The following GRM1 variants were observed in gnomAD, a reference collection of about 807,000 sequenced individuals.
GRM1 encodes the protein glutamate metabotropic receptor 1.
A neutral mutation model predicts 90.9 loss-of-function variants in GRM1; 33 were observed. The ratio of observed to expected loss-of-function variants is 0.36; its 90% confidence interval spans 0.28 to 0.49. The LOEUF (loss-of-function observed/expected upper bound fraction) is 0.49, where lower values mean the gene tolerates loss of function less well. Among genes scored for constraint, GRM1 ranks in the 20% least tolerant of loss-of-function variants. The probability of loss-of-function intolerance (pLI) is 0.99; values close to 1 mark genes in which losing one functional copy is unlikely to be tolerated. For missense variants in GRM1, 1,190 were observed against 1,534.3 expected (o/e 0.78, Z 3.75); for synonymous variants, 700 against 613.2 (o/e 1.14, Z -2.09).
At chr6:146,368,268 G>GC (rs1562643913) in intron 5 of GRM1, among the ~76,000 whole-genome samples, 13 of 132,442 alleles carry the variant, frequency 9.8e-5, no homozygotes, top group African/African-American at 3.4e-4. Context: ...TTTGGGGGGG[G>GC]GGGTAGAATC....
Position 146,323,435 on chromosome 6 carries a change from T to C in GRM1, c.1186+18589T>C, listed in dbSNP as rs1452988611. On this transcript the variant is annotated intron_variant, in intron 3 of 7. Coordinates refer to ENST00000282753, the MANE Select transcript of GRM1 (RefSeq NM_001278064.2). ...ATCCTTCGCCCACTTTTTGATGGGG[T>C]TGTTTGTTTTTTTACTTGTAAATTT... Among the ~76,000 whole-genome samples the C allele has an allele frequency of 2.6e-5, 4 of 152,168 alleles. No individual in the cohort carries two copies. The South Asian group carries it at 6.2e-4, about 24-fold the overall frequency.
chr6:146,229,535 C>G (rs1412284952), intron 2 of GRM1, among the ~76,000 whole-genome samples: 8 of 151,850 alleles, frequency 5.3e-5, no homozygotes, highest in Non-Finnish European at 1.2e-4. Context: ...TAACCAAAGT[C>G]ACGTTAAACT....
intron 2 of GRM1, among the ~76,000 whole-genome samples, chr6:146,284,607 A>G (rs200639088): frequency 6.6e-6 from 1 of 152,056 alleles, no homozygotes; most frequent in Non-Finnish European, 1.5e-5. Context: ...CATGGAGACG[A>G]TTTCCCCCAT....
intron 7 of GRM1, among the ~76,000 whole-genome samples, chr6:146,418,605 T>C (rs926899965): frequency 6.6e-6 from 1 of 151,728 alleles, no homozygotes; most frequent in East Asian, 1.9e-4. Context: ...TGACATTCAA[T>C]ATTAAATTTT....
chr6:146,050,870 G>T (rs932820270), intron 1 of GRM1, among the ~76,000 whole-genome samples: 1 of 152,026 alleles, frequency 6.6e-6, no homozygotes, highest in Non-Finnish European at 1.5e-5. Flanking sequence ...ACCAAATAAA[G>T]CTGATGACCT....
chr6:146,424,407 C>G (rs1056534571), intron 7 of GRM1, among the ~76,000 whole-genome samples: 1 of 152,156 alleles, frequency 6.6e-6, no homozygotes, highest in Admixed American at 6.5e-5. Flanking sequence ...CTGGACAGGG[C>G]TGGGACCCAG....
chr6:146,269,849 G>A (rs1432704620), intron 2 of GRM1, among the ~76,000 whole-genome samples: 1 of 152,056 alleles, frequency 6.6e-6, no homozygotes, highest in Non-Finnish European at 1.5e-5. Flanking sequence ...TGTTTTAGAG[G>A]ACAAAGTGTG....
chr6:146,346,493 T>C (rs1459548856), intron 3 of GRM1, among the ~76,000 whole-genome samples: 5 of 152,210 alleles, frequency 3.3e-5, no homozygotes, highest in African/African-American at 1.2e-4. Flanking sequence ...GATAACCCTT[T>C]AGGGAAAGAG....
chr6:146,284,403 T>A (rs936025515), intron 2 of GRM1, among the ~76,000 whole-genome samples: 7 of 152,236 alleles, frequency 4.6e-5, no homozygotes, highest in Non-Finnish European at 1.0e-4. Flanking sequence ...AATTGAATGT[T>A]CTTTGTGCTG....
chr6:146,085,994 T>C (rs1044482323), intron 1 of GRM1, among the ~76,000 whole-genome samples: 6 of 152,134 alleles, frequency 3.9e-5, no homozygotes, highest in African/African-American at 1.2e-4. Flanking sequence ...GTGACGGGGA[T>C]ATAGAAATAT....
intron 2 of GRM1, among the ~76,000 whole-genome samples, chr6:146,175,409 C>A (rs1274344041): frequency 6.6e-6 from 1 of 152,146 alleles, no homozygotes; most frequent in Non-Finnish European, 1.5e-5. Context: ...CTTGTTACAA[C>A]CTCTACTTTC....
At chr6:146,044,202 C>T (rs1430825283) in intron 1 of GRM1, among the ~76,000 whole-genome samples, 1 of 151,814 alleles carries the variant, frequency 6.6e-6, no homozygotes, top group African/African-American at 2.4e-5. Context: ...GATATGGGTG[C>T]CTCTGTGGAT....
chr6:146,414,006 A>C (rs1404044637), intron 7 of GRM1, among the ~76,000 whole-genome samples: 2 of 152,182 alleles, frequency 1.3e-5, no homozygotes, highest in African/African-American at 4.8e-5. Flanking sequence ...TAAAGGTACA[A>C]TCAACATACA....
intron 5 of GRM1, among the ~76,000 whole-genome samples, chr6:146,369,357 T>C (rs1775814309): frequency 6.6e-6 from 1 of 152,014 alleles, no homozygotes; most frequent in South Asian, 2.1e-4. Context: ...TTTCTTCTAC[T>C]AATTGGGGGT....
At chr6:146,149,428 G>A (rs780418013) in intron 1 of GRM1, among the ~76,000 whole-genome samples, 9 of 152,138 alleles carry the variant, frequency 5.9e-5, no homozygotes, top group African/African-American at 1.4e-4. Flanking sequence ...TCCACTTTCA[G>A]ATTCTACAGC....
intron 1 of GRM1, among the ~76,000 whole-genome samples, chr6:146,069,121 C>T (rs558909841): frequency 6.6e-4 from 100 of 152,260 alleles, no homozygotes; most frequent in African/African-American, 2.3e-3. Flanking sequence ...TAGAGATTAT[C>T]AGACTTCTTT....
chr6:146,110,439 C>T (rs1245548730), intron 1 of GRM1, among the ~76,000 whole-genome samples: 5 of 152,162 alleles, frequency 3.3e-5, no homozygotes, highest in Admixed American at 3.3e-4. Flanking sequence ...TGAGGCCTCT[C>T]CAGCCACACG....
In GRM1 at chr6:146,159,560, C is replaced by T; in HGVS notation, c.913C>T (p.Arg305Cys). Residue 305 changes from arginine (R) to cysteine (C), a missense_variant, in exon 2 of 8, where the codon CGC becomes TGC. Arg to Cys is a radical substitution (Grantham distance 180). Coordinates refer to ENST00000282753, the MANE Select transcript of GRM1 (RefSeq NM_001278064.2). Reference protein sequence around the residue: ...TVRGLLSAMRRLGVVGEFSLI... With the variant: ...TVRGLLSAMRCLGVVGEFSLI... ...GCGAGGACTCCTGAGCGCCATGCGG[C>T]GCCTTGGCGTCGTGGGCGAGTTCTC... 6.2e-7 allele frequency: 1 copy of T among 1,613,636 alleles called. No homozygotes were observed. Among genetic ancestry groups the T allele is most frequent in the Non-Finnish European group, 8.5e-7 (1 of 1,179,920 alleles).
intron 3 of GRM1, among the ~76,000 whole-genome samples, chr6:146,325,553 G>A (rs1336514407): frequency 6.6e-6 from 1 of 152,174 alleles, no homozygotes; most frequent in East Asian, 1.9e-4. Flanking sequence ...GCTGTACCAT[G>A]CTCTCTTAGT....
Sources: gnomAD v4.1 joint callset for allele counts (sites outside exome capture counted in the v4.1 genomes callset) on GRCh38, gnomAD v4.1.1 for gene constraint, MANE v1.5 for transcripts, NCBI Gene and HGNC (gene_info 2026-07-23, HGNC 2026-07-21) for gene names.